The following CDH4 variants were observed in gnomAD, a reference collection of about 807,000 sequenced individuals.
The protein encoded by CDH4 is cadherin-4.
In CDH4, 33 loss-of-function variants were observed where a neutral mutation model predicts 86.0. That is an observed-to-expected ratio of 0.38 (90% CI 0.29 to 0.51). The LOEUF is 0.51. Among genes scored for constraint, CDH4 ranks in the 20% least tolerant of loss-of-function variants. The pLI, the probability that CDH4 is intolerant of heterozygous loss-of-function variation, is 0.86. For missense variants in CDH4, 1,114 were observed against 1,307.4 expected, an observed-to-expected ratio of 0.85 and a Z score of 2.28; for synonymous variants, 555 against 549.4, an observed-to-expected ratio of 1.01 and a Z score of -0.14.
intron 2 of CDH4, among the ~76,000 whole-genome samples, chr20:61,383,424 AT>A (rs1389498599): frequency 1.6e-5 from 1 of 60,792 alleles, no homozygotes; most frequent in East Asian, 4.2e-4. Context: ...GATATATATG[AT>A]ATATATCATA....
At chr20:61,680,340 G>A (rs2087497905) in intron 2 of CDH4, among the ~76,000 whole-genome samples, 1 of 152,214 alleles carries the variant, frequency 6.6e-6, no homozygotes, top group Admixed American at 6.5e-5. Flanking sequence ...GGGGCGCTGG[G>A]CTGGGCAAGG....
chr20:61,899,881 C>T (rs1471289212), intron 8 of CDH4, among the ~76,000 whole-genome samples: 2 of 152,156 alleles, frequency 1.3e-5, no homozygotes, highest in South Asian at 4.1e-4. Flanking sequence ...ACAGATTTTT[C>T]TCTCAAAGGG....
At chr20:61,908,681 G>A (rs951432395) in intron 8 of CDH4, among the ~76,000 whole-genome samples, 5 of 152,100 alleles carry the variant, frequency 3.3e-5, no homozygotes, top group Non-Finnish European at 7.4e-5. Context: ...GTGGGACATC[G>A]CCCTGTCCAA....
chr20:61,586,516 C>A (rs778733297), intron 2 of CDH4, among the ~76,000 whole-genome samples: 7 of 152,200 alleles, frequency 4.6e-5, no homozygotes, highest in African/African-American at 7.2e-5. Flanking sequence ...ATGGGAGACC[C>A]TGGACGTGAG....
At chr20:61,898,756 C>A (rs1376908434) in intron 8 of CDH4, among the ~76,000 whole-genome samples, 1 of 152,236 alleles carries the variant, frequency 6.6e-6, no homozygotes, top group Non-Finnish European at 1.5e-5. Context: ...ATTAATCCCA[C>A]CTCAAGGTGT....
chr20:61,711,813 G>C (rs2145899599), intron 2 of CDH4, among the ~76,000 whole-genome samples: 1 of 152,302 alleles, frequency 6.6e-6, no homozygotes, highest in East Asian at 1.9e-4. Context: ...AGGGTGGAGG[G>C]TGAGGACGGG....
intron 6 of CDH4, among the ~76,000 whole-genome samples, chr20:61,857,803 C>T (rs1261705434): frequency 6.6e-6 from 1 of 152,270 alleles, no homozygotes; most frequent in Admixed American, 6.5e-5. Flanking sequence ...CAGTGCAGGT[C>T]ACAGCCAGGA....
intron 2 of CDH4, among the ~76,000 whole-genome samples, chr20:61,443,619 A>T (rs907352704): frequency 5.9e-5 from 9 of 152,202 alleles, no homozygotes; most frequent in African/African-American, 2.2e-4. Flanking sequence ...TTATTTTCGC[A>T]AGGAAAGCTG....
Position 61,559,519 on chromosome 20 carries a change from C to CTTTTTTTTTTTTTT in CDH4, c.170-184038_170-184025dup, listed in dbSNP as rs1156864328. 9.5e-5 allele frequency among the ~76,000 whole-genome samples: 10 copies of CTTTTTTTTTTTTTT among 105,176 alleles called. 1 individual carries two copies. Among genetic ancestry groups the CTTTTTTTTTTTTTT allele is most frequent in the African/African-American group, 3.0e-4 (7 of 23,706 alleles). The allele number at this position is 105,176 out of a possible 152,430, so 69.0% of individuals were successfully genotyped here. A position where few individuals can be genotyped will look rare whatever the true frequency, so the allele number is the denominator to read the frequency against. On this transcript the variant is annotated intron_variant, in intron 2 of 15. Transcript: ENST00000614565. Reference sequence around the variant, plus strand: ...TCTCCTTTCTTTTTAATTTTTTTTTCTTTTTTTTTTTTTTTTTTTGACACA... The same window carrying CTTTTTTTTTTTTTT: ...TCTCCTTTCTTTTTAATTTTTTTTTCTTTTTTTTTTTTTTTTTTTTTTTTTTTTTTTTTGACACA...
At position 61,743,585 on chromosome 20, in the gene CDH4, G is replaced by A; in HGVS notation, c.192G>A (p.Gly64=). 1.3e-6 allele frequency: 2 copies of A among 1,569,754 alleles called. No homozygotes were observed. Among genetic ancestry groups the A allele is most frequent in the African/African-American group, 2.7e-5 (2 of 74,216 alleles). ...CAGTCAAGTTCAGCAGCTGTGTGGG[G>A]ACCAAGGGGACACAATATGAGACCA... ...LLQVKFSSCV[G]TKGTQYETNS... The change falls in exon 3 of 16, where the codon GGG becomes GGA. Residue 64 remains glycine, a synonymous_variant. Coordinates refer to ENST00000614565, the MANE Select transcript of CDH4 (RefSeq NM_001794.5).
At chr20:61,325,462 A>G (rs892984760) in intron 2 of CDH4, among the ~76,000 whole-genome samples, 1 of 152,160 alleles carries the variant, frequency 6.6e-6, no homozygotes. Context: ...AAAGAGAAGT[A>G]AAGACTGCAT....
chr20:61,766,370 C>G (rs996904991), intron 3 of CDH4, among the ~76,000 whole-genome samples: 4 of 152,138 alleles, frequency 2.6e-5, no homozygotes, highest in African/African-American at 9.7e-5. Flanking sequence ...CCTAGGCCCC[C>G]CTTGGCCCAG....
intron 2 of CDH4, among the ~76,000 whole-genome samples, chr20:61,359,048 C>T (rs918573528): frequency 1.3e-5 from 2 of 152,146 alleles, no homozygotes; most frequent in African/African-American, 4.8e-5. Context: ...TGGAGAGAGC[C>T]AGGCAGAGTT....
intron 2 of CDH4, among the ~76,000 whole-genome samples, chr20:61,476,818 A>G (rs762762974): frequency 2.0e-5 from 3 of 152,224 alleles, no homozygotes; most frequent in Non-Finnish European, 4.4e-5. Context: ...GATCCCAGGA[A>G]TACTGACACA....
chr20:61,280,200 G>C (rs991706697), intron 2 of CDH4, among the ~76,000 whole-genome samples: 1 of 152,182 alleles, frequency 6.6e-6, no homozygotes, highest in Non-Finnish European at 1.5e-5. Flanking sequence ...GGATGGGAGG[G>C]TGAGAATTCA....
At chr20:61,309,146 C>A (rs1193219357) in intron 2 of CDH4, among the ~76,000 whole-genome samples, 2 of 152,262 alleles carry the variant, frequency 1.3e-5, no homozygotes, top group Non-Finnish European at 2.9e-5. Context: ...TGGCCCTGTG[C>A]AGCTCGGCTG....
At chr20:61,914,206 G>A (rs182852973) in intron 9 of CDH4, among the ~76,000 whole-genome samples, 46 of 152,232 alleles carry the variant, frequency 3.0e-4, no homozygotes, top group African/African-American at 1.1e-3. Context: ...AGTGGAGCAT[G>A]GGGACTGAGT....
At chr20:61,307,283 C>A (rs1027450389) in intron 2 of CDH4, among the ~76,000 whole-genome samples, 4 of 151,698 alleles carry the variant, frequency 2.6e-5, no homozygotes, top group Non-Finnish European at 5.9e-5. Context: ...CATGCTCCAA[C>A]ACACATTGCA....
At chr20:61,757,643 C>T (rs1178611038) in intron 3 of CDH4, among the ~76,000 whole-genome samples, 1 of 152,232 alleles carries the variant, frequency 6.6e-6, no homozygotes, top group African/African-American at 2.4e-5. Context: ...CAGACACTGC[C>T]AGGGTCACTG....
Sources: gnomAD v4.1 joint callset for allele counts (sites outside exome capture counted in the v4.1 genomes callset) on GRCh38, gnomAD v4.1.1 for gene constraint, MANE v1.5 for transcripts, NCBI Gene and HGNC (gene_info 2026-07-23, HGNC 2026-07-21) for gene names.